The following UNC5A variants were observed in gnomAD, a reference collection of about 807,000 sequenced individuals.
UNC5A encodes netrin receptor UNC5A.
A neutral mutation model predicts 87.4 loss-of-function variants in UNC5A; 20 were observed. The ratio of observed to expected loss-of-function variants is 0.23; its 90% CI spans 0.16 to 0.33. The LOEUF (loss-of-function observed/expected upper bound fraction) is 0.33. Among genes scored for constraint, UNC5A ranks in the 10% least tolerant of loss-of-function variants. UNC5A has a pLI of 1.00. For synonymous variants in UNC5A, 438 were observed against 482.3 expected (o/e 0.91, Z 1.20); for missense variants, 844 against 1,133.4 (o/e 0.74, Z 3.67).
Position 176,855,293 on chromosome 5 carries a change from C to T in UNC5A, c.71-7331C>T, listed in dbSNP as rs192059668. Among the ~76,000 whole-genome samples, 135 of 152,366 alleles carry T rather than the reference C, an allele frequency of 8.9e-4. 3 individuals are homozygous for T. The highest frequency in any genetic ancestry group is 8.3e-3 in the Admixed American group (127 of 15,308). On this transcript the variant is annotated intron_variant, in intron 1 of 14. Transcript: ENST00000329542. ...CCCCGGCAACTCCAGGGCTCCATGC[C>T]CACGGCTCCAAGCTCAGCACAGGGA... is the stretch of plus-strand genomic sequence containing the variant.
chr5:176,856,835 C>T (rs1417015213), intron 1 of UNC5A, among the ~76,000 whole-genome samples: 1 of 152,118 alleles, frequency 6.6e-6, no homozygotes, highest in African/African-American at 2.4e-5. Flanking sequence ...CCAAGGCTTC[C>T]TGTGGCCCTG....
In UNC5A at chr5:176,875,011, C is replaced by A. The variant is rs990516216; in HGVS notation, c.1378+445C>A. The stretch of plus-strand genomic sequence containing the variant: ...AAGAACTCTTTCCATGGCTGCCTTG[C>A]AAGAAGTGGCTGCAGCCTCTGGCAT... On this transcript the variant is annotated intron_variant, in intron 8 of 14. Transcript: ENST00000329542. This position sits in a 1 kb window ranked among gnomAD's most constrained non-coding sequence, Gnocchi z 5.2. 5.3e-5 allele frequency among the ~76,000 whole-genome samples: 8 copies of A among 152,198 alleles called. No homozygotes were observed. Among genetic ancestry groups the A allele is most frequent in the African/African-American group, 1.9e-4 (8 of 41,446 alleles).
intron 1 of UNC5A, among the ~76,000 whole-genome samples, chr5:176,837,567 G>A (rs1483843297): frequency 2.6e-5 from 4 of 152,220 alleles, no homozygotes; most frequent in East Asian, 1.9e-4. Flanking sequence ...AAATAGGCAC[G>A]CTTGGGTGTG....
In UNC5A at chr5:176,866,205, C is replaced by T. The variant is rs2149365559; in HGVS notation, c.293-1925C>T. Among the ~76,000 whole-genome samples the T allele has an allele frequency of 6.6e-6, 1 of 152,312 alleles. No individual in the cohort carries two copies. Among genetic ancestry groups the T allele is most frequent in the Non-Finnish European group, 1.5e-5 (1 of 68,020 alleles). On this transcript the variant is annotated intron_variant, in intron 2 of 14. Coordinates refer to ENST00000329542, the MANE Select transcript of UNC5A (RefSeq NM_133369.3). The surrounding 1 kb of genome is among the most constrained non-coding windows in gnomAD (Gnocchi z 5.0). ...CCAGACACTGCTCCCAGGAACCAGGCTGCCTGATGATCCACAAGAGGAGAG... is the reference window on the plus strand; with the variant it reads ...CCAGACACTGCTCCCAGGAACCAGGTTGCCTGATGATCCACAAGAGGAGAG...
rs147326411 is a variant in UNC5A at position 176,838,245 on chromosome 5, T to C, written c.71-24379T>C. 0.016 allele frequency among the ~76,000 whole-genome samples: 2,410 copies of C among 152,244 alleles called. 31 individuals are homozygous for C. Among genetic ancestry groups the C allele is most frequent in the Non-Finnish European group, 0.024 (1,638 of 68,008 alleles). On this transcript the variant is annotated intron_variant, in intron 1 of 14. Coordinates refer to ENST00000329542, the MANE Select transcript of UNC5A (RefSeq NM_133369.3). The surrounding 1 kb of genome is among the most constrained non-coding windows in gnomAD (Gnocchi z 4.2). ...GAAGTAGGGATTGGTGAGGCCTAAT[T>C]CAGATGGTATTTTAGGATTTTAGGA...
intron 1 of UNC5A, among the ~76,000 whole-genome samples, chr5:176,840,819 T>TG (rs1380640618): frequency 6.6e-6 from 1 of 152,242 alleles, no homozygotes; most frequent in Non-Finnish European, 1.5e-5. Flanking sequence ...CCTGCCCCCA[T>TG]GAGCCCACGC....
intron 1 of UNC5A, among the ~76,000 whole-genome samples, chr5:176,833,798 T>C (rs963286846): frequency 6.6e-6 from 1 of 150,920 alleles, no homozygotes; most frequent in Admixed American, 6.6e-5. Context: ...AAGCTCCACC[T>C]CCTGGGTTCG....
rs1245240161 is a variant in UNC5A at position 176,874,498 on chromosome 5, G to C, written c.1310G>C (p.Arg437Pro). ...STQNYFRSLPRGTSNMTYGTF... is the reference protein window; with the variant it reads ...STQNYFRSLPPGTSNMTYGTF... Reference sequence around the variant, plus strand: ...CAGAACTACTTCCGCTCCCTGCCCCGAGGCACCAGCAACATGACCTATGGG... The same window carrying C: ...CAGAACTACTTCCGCTCCCTGCCCCCAGGCACCAGCAACATGACCTATGGG... Residue 437 changes from arginine to proline, a missense_variant, in exon 8 of 15, where the codon CGA (arginine) becomes CCA (proline). This residue lies in a region of UNC5A where 353 missense variants were observed against 387.5 expected (regional missense o/e 0.91). Transcript: ENST00000329542. This position sits in a 1 kb window ranked among gnomAD's most constrained non-coding sequence, Gnocchi z 7.6. 1 of 1,609,576 alleles carries C rather than the reference G, an allele frequency of 6.2e-7. No homozygotes were observed. The highest frequency in any genetic ancestry group is 1.7e-5 in the Admixed American group (1 of 59,552).
rs367764824 is a variant in UNC5A at position 176,813,038 on chromosome 5, G to A, written c.70+2218G>A. On this transcript the variant is annotated intron_variant, in intron 1 of 14. Transcript: ENST00000329542. Reference sequence around the variant, plus strand: ...GGGGCCAGCGCGACTGACTGCAGCCGCTTGCTCCCCAGGCCACGCGCCCAC... The same window carrying A: ...GGGGCCAGCGCGACTGACTGCAGCCACTTGCTCCCCAGGCCACGCGCCCAC... 4.9e-4 allele frequency among the ~76,000 whole-genome samples: 74 copies of A among 152,222 alleles called. 2 individuals are homozygous for A. Among genetic ancestry groups the A allele is most frequent in the Admixed American group, 7.2e-4 (11 of 15,288 alleles).
At chr5:176,825,566 A>G (rs180888714) in intron 1 of UNC5A, among the ~76,000 whole-genome samples, 11 of 152,356 alleles carry the variant, frequency 7.2e-5, no homozygotes, top group Admixed American at 2.0e-4. Flanking sequence ...CACAGGATGC[A>G]GTGAAGGTTT....
intron 1 of UNC5A, among the ~76,000 whole-genome samples, chr5:176,852,378 A>G (rs1404320779): frequency 6.6e-6 from 1 of 152,028 alleles, no homozygotes; most frequent in Non-Finnish European, 1.5e-5. Context: ...ACAGAAGCAC[A>G]CACACACACA....
At position 176,878,591 on chromosome 5, in the gene UNC5A, G is replaced by A. The variant is rs774452897; in HGVS notation, c.2136G>A (p.Gln712=). Residue 712 remains glutamine, a synonymous_variant, in exon 13 of 15, where the codon CAG becomes CAA. Transcript: ENST00000329542. ...SDLACKLWVW[Q]VEGDGQSFSI... ...TGGCCTGCAAGCTGTGGGTGTGGCA[G>A]GTGGAGGGCGACGGGCAGAGCTTCA... 2.0e-5 allele frequency: 33 copies of A among 1,612,758 alleles called. No individual in the cohort carries two copies. The highest frequency in any genetic ancestry group is 3.3e-4 in the Middle Eastern group (2 of 6,082).
chr5:176,865,020 G>C lies in UNC5A; in HGVS notation c.292+2175G>C. 1 of 354,696 alleles carries C rather than the reference G, an allele frequency of 2.8e-6. No homozygotes were observed. The highest frequency in any genetic ancestry group is 5.6e-6 in the Non-Finnish European group (1 of 179,208). 22.0% of individuals were successfully genotyped at this position (354,696 alleles called of 1,614,324 possible). ...CTCCCTGGGCTCAGTTTCTTCATCT[G>C]TAAAATGGGGGTGAGGAGACCTCCC... On this transcript the variant is annotated intron_variant, in intron 2 of 14. Transcript: ENST00000329542. This position sits in a 1 kb window ranked among gnomAD's most constrained non-coding sequence, Gnocchi z 5.3.
chr5:176,849,608 G>A (rs1473321884), intron 1 of UNC5A, among the ~76,000 whole-genome samples: 1 of 152,122 alleles, frequency 6.6e-6, no homozygotes. Flanking sequence ...CTCTCATCTG[G>A]CCTGCCCCCT....
In UNC5A at chr5:176,832,181, G is replaced by A. The variant is rs150100314; in HGVS notation, c.70+21361G>A. Among the ~76,000 whole-genome samples, 100 of 152,276 alleles carry A rather than the reference G, an allele frequency of 6.6e-4. 1 individual carries two copies. The East Asian group carries it at 0.011, about 17-fold the overall frequency. ...CAAAGTGCTGGGATTGCAGGCGTGCGCCACCATGCCTGGCCTCACACTTTC... is the reference window on the plus strand; with the variant it reads ...CAAAGTGCTGGGATTGCAGGCGTGCACCACCATGCCTGGCCTCACACTTTC... On this transcript the variant is annotated intron_variant, in intron 1 of 14. Coordinates refer to ENST00000329542, the MANE Select transcript of UNC5A (RefSeq NM_133369.3).
In UNC5A at chr5:176,810,693, G is replaced by T; in HGVS notation, c.-58G>T. On this transcript the variant is annotated 5_prime_UTR_variant, in exon 1 of 15. Transcript: ENST00000329542. The surrounding 1 kb of genome is among the most constrained non-coding windows in gnomAD (Gnocchi z 7.3). Reference sequence around the variant, plus strand: ...TGGGGCTCCGGGCTGAGGCGCTAAAGCCGCCCTCCCGCCCGCGGGGCCCCG... The same window carrying T: ...TGGGGCTCCGGGCTGAGGCGCTAAATCCGCCCTCCCGCCCGCGGGGCCCCG... The T allele has an allele frequency of 1.4e-6, 1 of 702,226 alleles. No individual in the cohort carries two copies. The highest frequency in any genetic ancestry group is 1.8e-6 in the Non-Finnish European group (1 of 567,064). 43.5% of individuals were successfully genotyped at this position (702,226 alleles called of 1,614,324 possible).
In UNC5A at chr5:176,848,295, T is replaced by A. The variant is rs1180162792; in HGVS notation, c.71-14329T>A. Among the ~76,000 whole-genome samples the A allele has an allele frequency of 6.6e-6, 1 of 151,330 alleles. No individual in the cohort carries two copies. Among genetic ancestry groups the A allele is most frequent in the Non-Finnish European group, 1.5e-5 (1 of 67,852 alleles). ...CCTGCTACCCCAAAGCACAAGAGGG[T>A]GTGCAGGGATCTGAGGCCCTGGGAC... is the stretch of plus-strand genomic sequence containing the variant. On this transcript the variant is annotated intron_variant, in intron 1 of 14. Transcript: ENST00000329542. The surrounding 1 kb of genome is among the most constrained non-coding windows in gnomAD (Gnocchi z 5.8).
intron 1 of UNC5A, among the ~76,000 whole-genome samples, chr5:176,830,165 G>T (rs958347411): frequency 8.5e-5 from 13 of 152,128 alleles, no homozygotes; most frequent in Admixed American, 5.2e-4. Flanking sequence ...GCTCTAAGGG[G>T]CTCCCTAGGC....
intron 1 of UNC5A, among the ~76,000 whole-genome samples, chr5:176,826,941 A>C (rs568153615): frequency 4.0e-4 from 60 of 151,488 alleles, no homozygotes; most frequent in African/African-American, 1.4e-3. Flanking sequence ...GCCCGGCCCA[A>C]ACATTTTCAT....
Sources: gnomAD v4.1 joint callset for allele counts (sites outside exome capture counted in the v4.1 genomes callset) on GRCh38, gnomAD v4.1.1 for gene constraint, gnomAD v4.1.1 regional missense constraint, Gnocchi (gnomAD v3.1) non-coding constraint, MANE v1.5 for transcripts, NCBI Gene and HGNC (gene_info 2026-07-23, HGNC 2026-07-21) for gene names.